The following CLCN1 variants were observed in gnomAD, a reference collection of about 807,000 sequenced individuals.
CLCN1 encodes chloride voltage-gated channel 1, also known as chloride channel protein 1.
A neutral mutation model predicts 114.5 loss-of-function variants in CLCN1; 100 were observed. The observed-to-expected ratio is 0.87, with a 90% CI of 0.74 to 1.03. The LOEUF (loss-of-function observed/expected upper bound fraction) is 1.03. Ranked by LOEUF, CLCN1 falls within the 50% of genes least tolerant of loss-of-function variation. The pLI is 0.00. For synonymous variants in CLCN1, 485 were observed against 487.1 expected, an observed-to-expected ratio of 1.00 and a Z score of 0.06; for missense variants, 1,188 against 1,250.0, an observed-to-expected ratio of 0.95 and a Z score of 0.75.
chr7:143,319,780 T>A lies in CLCN1; in HGVS notation c.206T>A (p.Phe69Tyr). The A allele has an allele frequency of 6.2e-7, 1 of 1,613,876 alleles. No homozygotes were observed. The highest frequency in any genetic ancestry group is 8.5e-7 in the Non-Finnish European group (1 of 1,179,784). ...TQIYGHHKEQ[F>Y]SDREQDIGMP... ...ATTTATGGCCATCACAAAGAACAAT[T>A]CTCAGACAGGGAGCAGGACATAGGG... Residue 69 changes from phenylalanine (F) to tyrosine (Y), a missense_variant, in exon 2 of 23, where the codon TTC (phenylalanine) becomes TAC (tyrosine). Physicochemically the swap from Phe to Tyr is conservative, Grantham distance 22. Transcript: ENST00000343257.
rs1803380553 is a variant in CLCN1 at position 143,350,923 on chromosome 7, G to A, written c.2595+269G>A. ...CTCCCAAGTAGCTGGGATTACAGGCGCCCGCTACCACACCCGCTAATTTTT... is the reference window on the plus strand; with the variant it reads ...CTCCCAAGTAGCTGGGATTACAGGCACCCGCTACCACACCCGCTAATTTTT... On this transcript the variant is annotated intron_variant, in intron 22 of 22. Coordinates refer to ENST00000343257, the MANE Select transcript of CLCN1 (RefSeq NM_000083.3). The surrounding 1 kb of genome is among the most constrained non-coding windows in gnomAD (Gnocchi z 5.1). Among the ~76,000 whole-genome samples, 2 of 152,000 alleles carry A rather than the reference G, an allele frequency of 1.3e-5. No individual in the cohort carries two copies. Among genetic ancestry groups the A allele is most frequent in the Non-Finnish European group, 2.9e-5 (2 of 68,006 alleles).
chr7:143,348,241 G>A (rs1489216205), intron 20 of CLCN1, among the ~76,000 whole-genome samples: 1 of 152,118 alleles, frequency 6.6e-6, no homozygotes, highest in Non-Finnish European at 1.5e-5. Context: ...TCAAATCGAT[G>A]ATCACAGAGG....
At chr7:143,340,874 T>A (rs1194730152) in intron 14 of CLCN1, among the ~76,000 whole-genome samples, 2 of 152,164 alleles carry the variant, frequency 1.3e-5, no homozygotes, top group Non-Finnish European at 2.9e-5. Context: ...TTCCTCTACA[T>A]TTTCCCCATA....
Position 143,320,689 on chromosome 7 carries a change from G to T in CLCN1, c.327G>T (p.Val109=). 1 of 1,613,452 alleles carries T rather than the reference G, an allele frequency of 6.2e-7. No individual in the cohort carries two copies. ...CQDCIHRLGQ[V]VRRKLGEDGI... ...ATTGTATCCACCGCCTGGGACAGGT[G>T]GTGAGAAGAAAATTAGGGGAAGACG... is the stretch of plus-strand genomic sequence containing the variant. The change falls in exon 3 of 23, where the codon GTG becomes GTT. Residue 109 remains valine (V), a synonymous_variant. Transcript: ENST00000343257.
chr7:143,324,001 G>C lies in CLCN1; in HGVS notation c.775-413G>C, dbSNP rs1326647150. 2.5e-6 allele frequency: 1 copy of C among 398,918 alleles called. No homozygotes were observed. The highest frequency in any genetic ancestry group is 4.9e-6 in the Non-Finnish European group (1 of 202,058). 24.7% of individuals were successfully genotyped at this position (398,918 alleles called of 1,614,324 possible). The stretch of plus-strand genomic sequence containing the variant: ...GAGTGGGCATCCAGGGAATGACTGT[G>C]GATCACAGCCCCTGCGGTCCAGATA... On this transcript the variant is annotated intron_variant, in intron 6 of 22. Coordinates refer to ENST00000343257, the MANE Select transcript of CLCN1 (RefSeq NM_000083.3). The surrounding 1 kb of genome is among the most constrained non-coding windows in gnomAD (Gnocchi z 4.6).
At chr7:143,326,760 G>A (rs1470729701) in intron 7 of CLCN1, among the ~76,000 whole-genome samples, 1 of 152,130 alleles carries the variant, frequency 6.6e-6, no homozygotes, top group Non-Finnish European at 1.5e-5. Flanking sequence ...AGGAATAATA[G>A]CAAATGAGGC....
intron 2 of CLCN1, 118 bp from the exon 3 acceptor site, chr7:143,320,546 G>C (rs1206262712): frequency 1.0e-6 from 1 of 957,618 alleles, no homozygotes; most frequent in African/African-American, 1.8e-5. Context: ...TGACTCGTTA[G>C]CTGCTTTTCT....
intron 1 of CLCN1, among the ~76,000 whole-genome samples, 184 bp from the exon 2 acceptor site, chr7:143,319,571 A>G (rs948582108): frequency 1.3e-5 from 2 of 152,116 alleles, no homozygotes; most frequent in Non-Finnish European, 2.9e-5. Flanking sequence ...AAAGGGTGGG[A>G]AGTGTGGGAA....
chr7:143,352,052 G>A lies in CLCN1; in HGVS notation c.*87G>A. On this transcript the variant is annotated 3_prime_UTR_variant, in exon 23 of 23. Coordinates refer to ENST00000343257, the MANE Select transcript of CLCN1 (RefSeq NM_000083.3). ...TGGGGCAGGGTGCGTCCTGAATGTG[G>A]CGAGGTCATGCCAATGTCGTGGCCT... The A allele has an allele frequency of 1.9e-6, 3 of 1,558,550 alleles. No homozygotes were observed. The highest frequency in any genetic ancestry group is 2.3e-4 in the Middle Eastern group (1 of 4,310).
chr7:143,335,131 G>A (rs10500138), intron 12 of CLCN1, among the ~76,000 whole-genome samples: 67,146 of 151,982 alleles, frequency 0.44, 15,378 homozygotes, highest in African/African-American at 0.56. Flanking sequence ...CTGTAGAAAC[G>A]AAATACTGTA....
At chr7:143,331,107 T>A (rs1802711935) in intron 8 of CLCN1, 125 bp from the exon 9 acceptor site, 1 of 1,033,836 alleles carries the variant, frequency 9.7e-7, no homozygotes, top group South Asian at 1.3e-5. Context: ...AAAAGGAAAA[T>A]ACATTCAAGA....
rs1258593239 is a variant in CLCN1 at position 143,339,177 on chromosome 7, T to G, written c.1402-76T>G. ...CCCAGGATTTCTGCAGAAAGGAGGA[T>G]AGTGGGAAGGGAATTGTGTGTGCAT... On this transcript the variant is annotated intron_variant, in intron 12 of 22. Coordinates refer to ENST00000343257, the MANE Select transcript of CLCN1 (RefSeq NM_000083.3). This position sits in a 1 kb window ranked among gnomAD's most constrained non-coding sequence, Gnocchi z 4.1. The G allele has an allele frequency of 1.1e-6, 1 of 941,346 alleles. No individual in the cohort carries two copies. The highest frequency in any genetic ancestry group is 1.3e-5 in the South Asian group (1 of 77,362). 58.3% of individuals were successfully genotyped at this position (941,346 alleles called of 1,614,324 possible). A position where few individuals can be genotyped will look rare whatever the true frequency, so the allele number is the denominator to read the frequency against.
chr7:143,348,821 GCAACGTC>G (rs1293849102), intron 20 of CLCN1, among the ~76,000 whole-genome samples: 1 of 152,274 alleles, frequency 6.6e-6, no homozygotes, highest in East Asian at 1.9e-4. Flanking sequence ...AGCCTCAACA[GCAACGTC>G]CTGCATCCCT....
intron 9 of CLCN1, 85 bp downstream of exon 9, chr7:143,331,401 G>T (rs1056796784): frequency 1.7e-6 from 2 of 1,199,602 alleles, no homozygotes; most frequent in Middle Eastern, 1.9e-4. Context: ...TAGAAAGAAG[G>T]TGCGGTTGGC....
At position 143,346,211 on chromosome 7, in the gene CLCN1, G is replaced by A. The variant is rs78085922; in HGVS notation, c.2244G>A (p.Leu748=). 0.013 allele frequency: 21,689 copies of A among 1,613,444 alleles called. 218 individuals are homozygous for A. The highest frequency in any genetic ancestry group is 0.031 in the African/African-American group (2,358 of 74,926). The change falls in exon 18 of 23, where the codon CTG becomes CTA. Residue 748 remains leucine (L), a synonymous_variant. Coordinates refer to ENST00000343257, the MANE Select transcript of CLCN1 (RefSeq NM_000083.3). The part of the protein sequence containing the change: ...PLSPEEPNGP[L]PGHKQQPEAP... ...CCCCAGAAGAGCCCAATGGGCCTCTGCCTGGCCACAAACAGCAGCCGGAAG... is the reference window on the plus strand; with the variant it reads ...CCCCAGAAGAGCCCAATGGGCCTCTACCTGGCCACAAACAGCAGCCGGAAG...
chr7:143,340,472 C>T (rs776225288), intron 14 of CLCN1, among the ~76,000 whole-genome samples: 9 of 152,124 alleles, frequency 5.9e-5, no homozygotes, highest in Non-Finnish European at 1.3e-4. Flanking sequence ...TTCTGTGATG[C>T]TTTCTTGGTT....
Position 143,321,291 on chromosome 7 carries a change from G to C in CLCN1, c.434-74G>C, listed in dbSNP as rs1250239946. Reference sequence around the variant, plus strand: ...AAGGAGCACGGCCTGAGAACATGCCGGGTACACGTCCTGGTGCCGTGGACA... The same window carrying C: ...AAGGAGCACGGCCTGAGAACATGCCCGGTACACGTCCTGGTGCCGTGGACA... On this transcript the variant is annotated intron_variant, in intron 3 of 22. Coordinates refer to ENST00000343257, the MANE Select transcript of CLCN1 (RefSeq NM_000083.3). The surrounding 1 kb of genome is among the most constrained non-coding windows in gnomAD (Gnocchi z 4.2). The C allele has an allele frequency of 4.4e-6, 7 of 1,573,980 alleles. No individual in the cohort carries two copies. The East Asian group carries it at 1.6e-4, about 36-fold the overall frequency.
intron 12 of CLCN1, among the ~76,000 whole-genome samples, chr7:143,333,910 T>C (rs556892116): frequency 4.6e-5 from 7 of 152,322 alleles, no homozygotes; most frequent in African/African-American, 1.7e-4. Context: ...GGTTGTGACA[T>C]CTATTACAAT....
In CLCN1 at chr7:143,320,581, C is replaced by CTCTG. The variant is rs1554434537; in HGVS notation, c.302-80_302-79insGTCT. 5.2e-6 allele frequency: 6 copies of CTCTG among 1,143,038 alleles called. No homozygotes were observed. In the African/African-American group the frequency reaches 6.4e-5, roughly 12 times the overall value. The allele number at this position is 1,143,038 out of a possible 1,614,324, so 70.8% of individuals were successfully genotyped here. A position where few individuals can be genotyped will look rare whatever the true frequency, so the allele number is the denominator to read the frequency against. On this transcript the variant is annotated intron_variant, in intron 2 of 22. Transcript: ENST00000343257. ...TCTCTCTCTCTCTCTCTCTCTCTCT[C>CTCTG]TCTCTGTCTCTACATATATATATTT... is the stretch of plus-strand genomic sequence containing the variant.
Sources: allele counts gnomAD v4.1 joint callset (sites outside exome capture counted in the v4.1 genomes callset), GRCh38; gene constraint gnomAD v4.1.1; non-coding constraint Gnocchi (gnomAD v3.1); transcripts MANE v1.5; gene names NCBI Gene and HGNC (gene_info 2026-07-23, HGNC 2026-07-21).